Variants in CTNNA3 observed in about 807,000 individuals in gnomAD.
CTNNA3 encodes catenin alpha-3.
A neutral mutation model predicts 95.7 loss-of-function variants in CTNNA3; 76 were observed. The observed-to-expected ratio is 0.79, with a 90% CI of 0.66 to 0.96. CTNNA3 has a LOEUF of 0.96. CTNNA3 is among the 40% of genes least tolerant of loss of function. The pLI, the probability that CTNNA3 is intolerant of heterozygous loss-of-function variation, is 0.00. For missense variants in CTNNA3, 1,191 were observed against 1,089.8 expected, an observed-to-expected ratio of 1.09 and a Z score of -1.31; for synonymous variants, 431 against 374.4, an observed-to-expected ratio of 1.15 and a Z score of -1.74.
chr10:66,577,628 G>A lies in CTNNA3; in HGVS notation c.1374+44064C>T, dbSNP rs545507511. On this transcript the variant is annotated intron_variant, in intron 10 of 17. Coordinates refer to ENST00000433211, the MANE Select transcript of CTNNA3 (RefSeq NM_013266.4). The stretch of plus-strand genomic sequence containing the variant: ...TATCGTCAACTCTGCTAAAGGACAG[G>A]TGGTTGTAGGTTTGTGGCTTTATCT... Among the ~76,000 whole-genome samples, 10 of 152,080 alleles carry A rather than the reference G, an allele frequency of 6.6e-5. No individual in the cohort carries two copies. In the East Asian group the frequency reaches 1.6e-3, roughly 24 times the overall value.
chr10:67,179,046 T>C (rs1377875291), intron 7 of CTNNA3, among the ~76,000 whole-genome samples: 1 of 152,108 alleles, frequency 6.6e-6, no homozygotes, highest in African/African-American at 2.4e-5. Context: ...ATCAAATGTG[T>C]TGAAGGGTCT....
At chr10:66,456,090 A>C (rs987636315) in intron 11 of CTNNA3, among the ~76,000 whole-genome samples, 1 of 152,196 alleles carries the variant, frequency 6.6e-6, no homozygotes, top group Non-Finnish European at 1.5e-5. Flanking sequence ...AGATTGAAAG[A>C]CTCAACATAG....
At chr10:67,648,289 T>C (rs1244194903) in intron 1 of CTNNA3, among the ~76,000 whole-genome samples, 7 of 152,210 alleles carry the variant, frequency 4.6e-5, no homozygotes, top group Non-Finnish European at 1.0e-4. Flanking sequence ...GTTCAAAAAC[T>C]CTAGCCATAT....
chr10:67,339,608 G>T (rs948183533), intron 5 of CTNNA3, among the ~76,000 whole-genome samples: 11 of 142,798 alleles, frequency 7.7e-5, no homozygotes, highest in African/African-American at 2.9e-4. Context: ...CGGAGAACTA[G>T]AAAAATCTAA....
In CTNNA3 at chr10:66,819,469, C is replaced by T. The variant is rs1016425994; in HGVS notation, c.1048-43945G>A. 1.3e-4 allele frequency among the ~76,000 whole-genome samples: 19 copies of T among 151,588 alleles called. No homozygotes were observed. In the East Asian group the frequency reaches 1.7e-3, roughly 14 times the overall value. On this transcript the variant is annotated intron_variant, in intron 7 of 17. Transcript: ENST00000433211. ...GGTATGACATCAAAAGTACGAGCAG[C>T]GAAAAATAAATAGGTATACTGGACT...
intron 12 of CTNNA3, among the ~76,000 whole-genome samples, chr10:66,292,700 C>T (rs923155165): frequency 2.0e-5 from 3 of 152,146 alleles, no homozygotes; most frequent in African/African-American, 7.2e-5. Context: ...AGCAAGAATG[C>T]TCTGAAAACC....
intron 7 of CTNNA3, among the ~76,000 whole-genome samples, chr10:67,022,867 G>T (rs139696065): frequency 6.6e-6 from 1 of 152,150 alleles, no homozygotes. Context: ...GAACCCGGGT[G>T]GCGGAGGTTG....
At chr10:67,161,022 A>T (rs1861518460) in intron 7 of CTNNA3, among the ~76,000 whole-genome samples, 1 of 152,110 alleles carries the variant, frequency 6.6e-6, no homozygotes, top group East Asian at 1.9e-4. Flanking sequence ...GTGCTAGGGG[A>T]TTGGGGAGGG....
At chr10:67,527,196 G>A (rs1840171603) in intron 4 of CTNNA3, among the ~76,000 whole-genome samples, 1 of 152,134 alleles carries the variant, frequency 6.6e-6, no homozygotes, top group Non-Finnish European at 1.5e-5. Context: ...GGCAGACGTT[G>A]CAGTGAGCCG....
chr10:65,992,598 T>C (rs1223664503), intron 15 of CTNNA3, among the ~76,000 whole-genome samples: 2 of 152,130 alleles, frequency 1.3e-5, no homozygotes, highest in African/African-American at 4.8e-5. Flanking sequence ...TGCCTCCTTT[T>C]ACATTTATAA....
intron 5 of CTNNA3, among the ~76,000 whole-genome samples, chr10:67,390,070 G>A (rs1170444074): frequency 1.3e-5 from 2 of 152,170 alleles, no homozygotes; most frequent in African/African-American, 2.4e-5. Flanking sequence ...GAGCAGAACG[G>A]AAGGAAATAA....
At chr10:66,041,480 C>A (rs569071424) in intron 15 of CTNNA3, among the ~76,000 whole-genome samples, 7 of 152,236 alleles carry the variant, frequency 4.6e-5, no homozygotes, top group African/African-American at 1.7e-4. Flanking sequence ...TTCAGGGAAG[C>A]CAAGCAATGT....
chr10:66,675,603 CTA>C (rs1259051477), intron 9 of CTNNA3, among the ~76,000 whole-genome samples: 1 of 152,024 alleles, frequency 6.6e-6, no homozygotes, highest in Non-Finnish European at 1.5e-5. Context: ...AAATTGAGAA[CTA>C]TGTTATTTTC....
rs1210482029 is a variant in CTNNA3 at position 67,296,934 on chromosome 10, C to CAAAAAAAAAAA, written c.580-77075_580-77065dup. On this transcript the variant is annotated intron_variant, in intron 5 of 17. Transcript: ENST00000433211. ...GGGCAACAAGAATGAAACGCTGTCTCAAAAAAAAAAAAAAAAAAAAAAAAA... is the reference window on the plus strand; with the variant it reads ...GGGCAACAAGAATGAAACGCTGTCTCAAAAAAAAAAAAAAAAAAAAAAAAAAAAAAAAAAAA... Among the ~76,000 whole-genome samples, 136 of 17,660 alleles carry CAAAAAAAAAAA rather than the reference C, an allele frequency of 7.7e-3. 18 individuals carry two copies. Among genetic ancestry groups the CAAAAAAAAAAA allele is most frequent in the African/African-American group, 0.015 (74 of 5,022 alleles). 11.6% of individuals were successfully genotyped at this position (17,660 alleles called of 152,430 possible).
At chr10:66,826,346 A>G (rs1842514869) in intron 7 of CTNNA3, among the ~76,000 whole-genome samples, 2 of 152,080 alleles carry the variant, frequency 1.3e-5, no homozygotes, top group African/African-American at 4.8e-5. Context: ...GTAGGATCAC[A>G]GTTCACTGCA....
At chr10:67,344,075 T>A (rs769704166) in intron 5 of CTNNA3, among the ~76,000 whole-genome samples, 3 of 151,856 alleles carry the variant, frequency 2.0e-5, no homozygotes, top group Non-Finnish European at 2.9e-5. Flanking sequence ...TTTTTCAGCA[T>A]CAATTTCAAT....
At chr10:66,016,797 T>G (rs35033020) in intron 15 of CTNNA3, among the ~76,000 whole-genome samples, 11,589 of 152,216 alleles carry the variant, frequency 0.076, 557 homozygotes, top group Non-Finnish European at 0.12. Context: ...TATGACAGTA[T>G]TATTTTCATA....
chr10:66,230,218 G>A (rs34021575), intron 13 of CTNNA3, among the ~76,000 whole-genome samples: 9,363 of 152,108 alleles, frequency 0.062, 386 homozygotes, highest in Non-Finnish European at 0.096. Context: ...GTCTGTTACT[G>A]GAGAATTATG....
At chr10:67,312,075 CTTT>C (rs5785820) in intron 5 of CTNNA3, among the ~76,000 whole-genome samples, 1 of 142,356 alleles carries the variant, frequency 7.0e-6, no homozygotes. Flanking sequence ...ATTTAAATTA[CTTT>C]TTTTTTTTTT....
Sources: gnomAD v4.1 joint callset for allele counts (sites outside exome capture counted in the v4.1 genomes callset) on GRCh38, gnomAD v4.1.1 for gene constraint, MANE v1.5 for transcripts, NCBI Gene and HGNC (gene_info 2026-07-23, HGNC 2026-07-21) for gene names.